The following ADGRG5 variants were observed in gnomAD, a reference collection of about 807,000 sequenced individuals.
ADGRG5 encodes G protein-coupled receptor 114.
Under a neutral mutation model 53.2 loss-of-function variants are expected in ADGRG5, and 37 were observed. The ratio of observed to expected loss-of-function variants is 0.70; its 90% CI spans 0.53 to 0.91. The LOEUF is 0.91. ADGRG5 is among the 40% of genes least tolerant of loss of function. The pLI, the probability that ADGRG5 is intolerant of heterozygous loss-of-function variation, is 0.00. For missense variants in ADGRG5, 614 were observed against 675.8 expected, an observed-to-expected ratio of 0.91 and a Z score of 1.01; for synonymous variants, 277 against 290.4, an observed-to-expected ratio of 0.95 and a Z score of 0.47.
At position 57,574,170 on chromosome 16, in the gene ADGRG5, C is replaced by T. The variant is rs1036276492; in HGVS notation, c.1209-645C>T. Reference sequence around the variant, plus strand: ...CAAAGGGCAGAGGCCTCCGGGAGGGCGTGGGACCGGGGCTGGCTTCGGTTA... The same window carrying T: ...CAAAGGGCAGAGGCCTCCGGGAGGGTGTGGGACCGGGGCTGGCTTCGGTTA... On this transcript the variant is annotated intron_variant, in intron 10 of 11. Transcript: ENST00000349457. The surrounding 1 kb of genome is among the most constrained non-coding windows in gnomAD (Gnocchi z 4.4). 3.9e-5 allele frequency among the ~76,000 whole-genome samples: 6 copies of T among 152,356 alleles called. No homozygotes were observed. Among genetic ancestry groups the T allele is most frequent in the African/African-American group, 7.2e-5 (3 of 41,590 alleles).
intron 10 of ADGRG5, among the ~76,000 whole-genome samples, chr16:57,571,257 T>C (rs8057310): frequency 0.46 from 69,224 of 152,022 alleles, 18,839 homozygotes; most frequent in African/African-American, 0.75. Flanking sequence ...GGGTATCAGC[T>C]GGCTTCGTTT....
chr16:57,548,268 TA>T (rs2032666938), intron 1 of ADGRG5, among the ~76,000 whole-genome samples: 1 of 151,862 alleles, frequency 6.6e-6, no homozygotes, highest in African/African-American at 2.4e-5. Context: ...GAGAAAATTA[TA>T]AATGCACAGA....
intron 1 of ADGRG5, among the ~76,000 whole-genome samples, chr16:57,557,082 G>A (rs1444978544): frequency 1.3e-5 from 2 of 151,696 alleles, no homozygotes; most frequent in Non-Finnish European, 2.9e-5. Flanking sequence ...ACTAAGTTTT[G>A]TATATTTTCT....
intron 1 of ADGRG5, among the ~76,000 whole-genome samples, chr16:57,550,659 T>C (rs1205251545): frequency 1.3e-5 from 2 of 152,102 alleles, no homozygotes; most frequent in African/African-American, 4.8e-5. Flanking sequence ...GTGGGTTTGG[T>C]TTTAGACCAC....
chr16:57,539,611 A>G (rs1362002598), upstream of ADGRG5, among the ~76,000 whole-genome samples: 2 of 150,448 alleles, frequency 1.3e-5, no homozygotes, highest in East Asian at 3.9e-4. Flanking sequence ...CGTTACCATG[A>G]CCAACTAAAT....
chr16:57,555,455 C>T (rs2032861597), intron 1 of ADGRG5, among the ~76,000 whole-genome samples: 2 of 152,194 alleles, frequency 1.3e-5, no homozygotes, highest in Admixed American at 1.3e-4. Flanking sequence ...ATTATATACC[C>T]AGTCTTGGGT....
At chr16:57,569,216 C>T (rs1337472839) in intron 9 of ADGRG5, among the ~76,000 whole-genome samples, 1 of 150,538 alleles carries the variant, frequency 6.6e-6, no homozygotes, top group Non-Finnish European at 1.5e-5. Context: ...TCCTCCACTT[C>T]CTTCACCACC....
chr16:57,575,570 C>T lies in ADGRG5; in HGVS notation c.*32C>T. Reference sequence around the variant, plus strand: ...CCTCCTGGCCTGGAATCCTCAGCCTCTCTGGCCGCCAGTAGCCTGAGGCTA... The same window carrying T: ...CCTCCTGGCCTGGAATCCTCAGCCTTTCTGGCCGCCAGTAGCCTGAGGCTA... On this transcript the variant is annotated 3_prime_UTR_variant, in exon 12 of 12. Transcript: ENST00000349457. The T allele has an allele frequency of 6.4e-7, 1 of 1,557,354 alleles. No individual in the cohort carries two copies. Among genetic ancestry groups the T allele is most frequent in the African/African-American group, 1.4e-5 (1 of 73,966 alleles).
At position 57,574,857 on chromosome 16, in the gene ADGRG5, G is replaced by C; in HGVS notation, c.1251G>C (p.Met417Ile). 3 of 1,609,392 alleles carry C rather than the reference G, an allele frequency of 1.9e-6. No individual in the cohort carries two copies. The highest frequency in any genetic ancestry group is 2.5e-6 in the Non-Finnish European group (3 of 1,178,056). The change falls in exon 11 of 12, where the codon ATG (methionine) becomes ATC (isoleucine). Residue 417 changes from methionine (M) to isoleucine (I), a missense_variant. Physicochemically the swap from Met to Ile is conservative, Grantham distance 10. Transcript: ENST00000349457. The surrounding 1 kb of genome is among the most constrained non-coding windows in gnomAD (Gnocchi z 4.4). The part of the protein sequence containing the change: ...RSPVVHSVLV[M>I]GYGGLTSLFN... ...CCGTGGTGCACAGTGTCCTGGTCATGGGCTACGGCGGCCTCACGTCCCTCT... is the reference window on the plus strand; with the variant it reads ...CCGTGGTGCACAGTGTCCTGGTCATCGGCTACGGCGGCCTCACGTCCCTCT...
the ADGRG5 span, among the ~76,000 whole-genome samples, chr16:57,537,549 C>T: frequency 1.5e-4 from 23 of 152,204 alleles, no homozygotes; most frequent in African/African-American, 5.5e-4. Flanking sequence ...GAGTATGTAG[C>T]ATCCTTCCCT....
intron 1 of ADGRG5, among the ~76,000 whole-genome samples, chr16:57,546,980 G>C (rs556942110): frequency 6.6e-6 from 1 of 152,262 alleles, no homozygotes; most frequent in African/African-American, 2.4e-5. Flanking sequence ...CCAAAGTGCT[G>C]GGATTACAGG....
At chr16:57,563,064 C>T (rs1299407629) in intron 3 of ADGRG5, 27 bp from the exon 4 acceptor site, 1 of 1,613,544 alleles carries the variant, frequency 6.2e-7, no homozygotes, top group Non-Finnish European at 8.5e-7. Context: ...GGGCTCTGGC[C>T]TCCCTGGCCA....
chr16:57,567,956 C>T lies in ADGRG5; in HGVS notation c.922C>T (p.Pro308Ser). Reference sequence around the variant, plus strand: ...GCTGAGCCCCGCATTCGCAATGTCTCCTGTGCCCGGGTCAGCATGCACGGC... The same window carrying T: ...GCTGAGCCCCGCATTCGCAATGTCTTCTGTGCCCGGGTCAGCATGCACGGC... Reference protein sequence around the residue: ...FLLSPAFAMSPVPGSACTALA... With the variant: ...FLLSPAFAMSSVPGSACTALA... Residue 308 changes from proline to serine, a missense_variant, in exon 9 of 12, where the codon CCT becomes TCT. Coordinates refer to ENST00000349457, the MANE Select transcript of ADGRG5 (RefSeq NM_001304376.3). 1 of 1,614,008 alleles carries T rather than the reference C, an allele frequency of 6.2e-7. No individual in the cohort carries two copies. The highest frequency in any genetic ancestry group is 8.5e-7 in the Non-Finnish European group (1 of 1,179,966).
At chr16:57,541,809 C>T (rs1259315491), upstream of ADGRG5, among the ~76,000 whole-genome samples, 3 of 152,348 alleles carry the variant, frequency 2.0e-5, no homozygotes, top group South Asian at 4.1e-4. Flanking sequence ...TCCTTGCTTT[C>T]CCTTAGAGCT....
chr16:57,554,980 G>A (rs1325980222), intron 1 of ADGRG5, among the ~76,000 whole-genome samples: 2 of 151,772 alleles, frequency 1.3e-5, no homozygotes, highest in African/African-American at 4.8e-5. Flanking sequence ...GATTTTTTGA[G>A]GCCTCTTTAT....
the ADGRG5 span, among the ~76,000 whole-genome samples, chr16:57,531,951 G>A: frequency 1.6e-4 from 24 of 152,282 alleles, no homozygotes; most frequent in South Asian, 3.1e-3. Flanking sequence ...AGGTTCCTCC[G>A]TGCTGCTCAG....
Position 57,562,283 on chromosome 16 carries a change from C to T in ADGRG5, c.65-101C>T. 17 of 1,399,704 alleles carry T rather than the reference C, an allele frequency of 1.2e-5. No homozygotes were observed. In the South Asian group the frequency reaches 2.1e-4, roughly 17 times the overall value. 86.7% of individuals were successfully genotyped at this position (1,399,704 alleles called of 1,614,324 possible). ...TTAGGCTTCCTGGGGGCAGCAGGAG[C>T]TGCTTGTGAACTAGACTCTCAGGGT... On this transcript the variant is annotated intron_variant, in intron 2 of 11. Coordinates refer to ENST00000349457, the MANE Select transcript of ADGRG5 (RefSeq NM_001304376.3).
chr16:57,541,351 A>G (rs1389621947), upstream of ADGRG5, among the ~76,000 whole-genome samples: 2 of 152,176 alleles, frequency 1.3e-5, no homozygotes, highest in African/African-American at 4.8e-5. Context: ...CTCGGAAAGG[A>G]AGAGCCTGGA....
chr16:57,551,032 A>G (rs2032737715), intron 1 of ADGRG5, among the ~76,000 whole-genome samples: 2 of 152,078 alleles, frequency 1.3e-5, no homozygotes, highest in African/African-American at 4.8e-5. Context: ...AGACTGTCTC[A>G]CACATGAAAA....
Sources: allele counts gnomAD v4.1 joint callset (sites outside exome capture counted in the v4.1 genomes callset), GRCh38; gene constraint gnomAD v4.1.1; non-coding constraint Gnocchi (gnomAD v3.1); transcripts MANE v1.5; gene names NCBI Gene and HGNC (gene_info 2026-07-23, HGNC 2026-07-21).